The following TFB2M variants were observed in gnomAD, a reference collection of about 807,000 sequenced individuals.
TFB2M encodes dimethyladenosine transferase 2, mitochondrial.
Under a neutral mutation model 41.3 loss-of-function variants are expected in TFB2M, and 44 were observed. The observed-to-expected ratio is 1.07, with a 90% CI of 0.84 to 1.37. The LOEUF is 1.37. Ranked by LOEUF, TFB2M falls within the 40% of genes most tolerant of loss-of-function variation. TFB2M has a pLI of 0.00. For missense variants in TFB2M, 496 were observed against 490.2 expected, an observed-to-expected ratio of 1.01 and a Z score of -0.11; for synonymous variants, 188 against 176.8, an observed-to-expected ratio of 1.06 and a Z score of -0.50.
intron 6 of TFB2M, among the ~76,000 whole-genome samples, chr1:246,545,054 C>T (rs544392080): frequency 0.016 from 2,177 of 135,872 alleles, 65 homozygotes; most frequent in African/African-American, 0.053. Context: ...ATCCGCCCGC[C>T]TCGGCCTCCC....
intron 2 of TFB2M, among the ~76,000 whole-genome samples, chr1:246,558,915 C>T (rs3120711): frequency 0.96 from 145,703 of 151,748 alleles, 69,898 homozygotes; most frequent in Non-Finnish European, 0.99. Flanking sequence ...AAACTTAATT[C>T]GAAGTTACAA....
At chr1:246,552,801 T>C (rs1255259592) in intron 4 of TFB2M, among the ~76,000 whole-genome samples, 1 of 151,928 alleles carries the variant, frequency 6.6e-6, no homozygotes, top group East Asian at 1.9e-4. Context: ...CAGCTGAGTA[T>C]GGTAGCTCAC....
intron 4 of TFB2M, among the ~76,000 whole-genome samples, chr1:246,552,649 T>C (rs912226523): frequency 6.6e-6 from 1 of 151,710 alleles, no homozygotes; most frequent in Non-Finnish European, 1.5e-5. Flanking sequence ...CAGTGAGCTA[T>C]GAACATACCA....
intron 6 of TFB2M, among the ~76,000 whole-genome samples, chr1:246,546,506 C>T (rs1214018487): frequency 2.0e-5 from 3 of 150,410 alleles, no homozygotes; most frequent in Admixed American, 6.6e-5. Context: ...TCCCAGCATT[C>T]GGGAGGGTGA....
At chr1:246,562,074 T>A (rs1659471116) in intron 2 of TFB2M, among the ~76,000 whole-genome samples, 1 of 152,168 alleles carries the variant, frequency 6.6e-6, no homozygotes, top group South Asian at 2.1e-4. Flanking sequence ...ATAACCTAGC[T>A]AAAACCTTGA....
Position 246,566,100 on chromosome 1 carries a change from C to G in TFB2M, c.39G>C (p.Arg13Ser), listed in dbSNP as rs769460126. 3.1e-6 allele frequency: 5 copies of G among 1,611,430 alleles called. No homozygotes were observed. The South Asian group carries it at 3.3e-5, about 11-fold the overall frequency. ...GACCAGCGCCCGCCAAGGCGGAGAG[C>G]CTCAGCCGCCGAGGAAGCCCGACCA... ...IPVVGLPRRL[R>S]LSALAGAGRF... The change falls in exon 1 of 8, where the codon AGG becomes AGC. Residue 13 changes from arginine to serine, a missense_variant. Transcript: ENST00000366514.
intron 1 of TFB2M, among the ~76,000 whole-genome samples, chr1:246,565,585 G>C (rs1659622925): frequency 6.6e-6 from 1 of 152,082 alleles, no homozygotes. Context: ...GGTGGCGCGC[G>C]CCTGTAGTTC....
At position 246,566,016 on chromosome 1, in the gene TFB2M, G is replaced by T; in HGVS notation, c.123C>A (p.His41Gln). ...GCGGAGAGGAGTCAGAGAGCCCACA[G>T]TGGTTCCTCGCCGGCAAATGCTTTC... ...ATRKHLPARNHCGLSDSSPQL... is the reference protein window; with the variant it reads ...ATRKHLPARNQCGLSDSSPQL... Residue 41 changes from histidine to glutamine, a missense_variant, in exon 1 of 8, where the codon CAC becomes CAA. Transcript: ENST00000366514. 1 of 1,614,204 alleles carries T rather than the reference G, an allele frequency of 6.2e-7. No homozygotes were observed. Among genetic ancestry groups the T allele is most frequent in the African/African-American group, 1.3e-5 (1 of 75,060 alleles).
Position 246,544,653 on chromosome 1 carries a change from A to T in TFB2M, c.887T>A (p.Leu296Gln), listed in dbSNP as rs1309326533. Residue 296 changes from leucine (L) to glutamine (Q), a missense_variant, in exon 7 of 8, where the codon CTG becomes CAG. By Grantham distance (113) the Leu-to-Gln change is moderately radical. Coordinates refer to ENST00000366514, the MANE Select transcript of TFB2M (RefSeq NM_022366.3). The stretch of plus-strand genomic sequence containing the variant: ...ACGAGGAATCATTTGAATAAGATAC[A>T]GCTTTTGTTGTAATTGGTCTAATAA... Reference protein sequence around the residue: ...RELLDQLQQKLYLIQMIPRQN... With the variant: ...RELLDQLQQKQYLIQMIPRQN... The T allele has an allele frequency of 6.2e-7, 1 of 1,602,700 alleles. No homozygotes were observed. Among genetic ancestry groups the T allele is most frequent in the South Asian group, 1.1e-5 (1 of 87,988 alleles).
intron 1 of TFB2M, 68 bp downstream of exon 1, chr1:246,565,758 C>A: frequency 6.6e-7 from 1 of 1,513,106 alleles, no homozygotes; most frequent in South Asian, 1.2e-5. Context: ...AAAATAGCAC[C>A]CCGAGGAGGG....
chr1:246,563,895 T>TTTG lies in TFB2M; in HGVS notation c.402+450_402+451insCAA, dbSNP rs544723694. Reference sequence around the variant, plus strand: ...AATTTGAAATCCAAAACAGTTGTGTTCCCAAGCATTTCAGATAAAATACTT... The same window carrying TTTG: ...AATTTGAAATCCAAAACAGTTGTGTTTTGCCCAAGCATTTCAGATAAAATACTT... On this transcript the variant is annotated intron_variant, in intron 2 of 7. Coordinates refer to ENST00000366514, the MANE Select transcript of TFB2M (RefSeq NM_022366.3). Among the ~76,000 whole-genome samples, 200 of 152,364 alleles carry TTTG rather than the reference T, an allele frequency of 1.3e-3. 1 individual carries two copies. The highest frequency in any genetic ancestry group is 4.6e-3 in the African/African-American group (191 of 41,594).
At chr1:246,557,651 A>C in intron 2 of TFB2M, 117 bp from the exon 3 acceptor site, 2 of 883,782 alleles carry the variant, frequency 2.3e-6, no homozygotes, top group African/African-American at 3.5e-5. Flanking sequence ...AAATAATTCA[A>C]TTACCTGGGG....
At chr1:246,564,491 T>C in intron 1 of TFB2M, 57 bp from the exon 2 acceptor site, 1 of 1,499,414 alleles carries the variant, frequency 6.7e-7, no homozygotes, top group Non-Finnish European at 9.3e-7. Flanking sequence ...TCTCTTTCAA[T>C]ACCAAACTTT....
At chr1:246,544,855 G>C (rs914368157) in intron 6 of TFB2M, among the ~76,000 whole-genome samples, 174 bp from the exon 7 acceptor site, 1 of 152,086 alleles carries the variant, frequency 6.6e-6, no homozygotes, top group African/African-American at 2.4e-5. Context: ...GCCCAGGCTG[G>C]AGTACAACGG....
intron 1 of TFB2M, among the ~76,000 whole-genome samples, chr1:246,564,845 A>C (rs1659567046): frequency 6.6e-6 from 1 of 151,964 alleles, no homozygotes. Context: ...ACGCCCGGCT[A>C]ATTTTTGTAT....
intron 6 of TFB2M, among the ~76,000 whole-genome samples, chr1:246,545,028 A>G (rs1572083883): frequency 6.6e-6 from 1 of 150,508 alleles, no homozygotes; most frequent in Non-Finnish European, 1.5e-5. Context: ...GATGGTCTCG[A>G]TCTCCTGACC....
intron 6 of TFB2M, among the ~76,000 whole-genome samples, chr1:246,548,172 CTT>C (rs1172438906): frequency 1.3e-5 from 2 of 152,122 alleles, no homozygotes; most frequent in Non-Finnish European, 2.9e-5. Context: ...GTCCCGATCT[CTT>C]GACCTTGAAT....
At chr1:246,546,498 C>CGGTG (rs1659022317) in intron 6 of TFB2M, among the ~76,000 whole-genome samples, 1 of 150,926 alleles carries the variant, frequency 6.6e-6, no homozygotes. Flanking sequence ...GCCTGTAATC[C>CGGTG]CAGCATTCGG....
chr1:246,554,825 C>T (rs1553364694), intron 4 of TFB2M, among the ~76,000 whole-genome samples: 1 of 151,952 alleles, frequency 6.6e-6, no homozygotes. Context: ...ACCAAAGGCA[C>T]AGGCAACAAA....
Sources: gnomAD v4.1 joint callset for allele counts (sites outside exome capture counted in the v4.1 genomes callset) on GRCh38, gnomAD v4.1.1 for gene constraint, MANE v1.5 for transcripts, NCBI Gene and HGNC (gene_info 2026-07-23, HGNC 2026-07-21) for gene names.